PCDH15: variants seen among roughly 807,000 people sequenced by gnomAD.
The protein encoded by PCDH15 is protocadherin related 15.
Under a neutral mutation model 178.5 loss-of-function variants are expected in PCDH15, and 129 were observed. The ratio of observed to expected loss-of-function variants is 0.72; its 90% confidence interval spans 0.63 to 0.84. The LOEUF is 0.84. Among genes scored for constraint, PCDH15 ranks in the 40% least tolerant of loss-of-function variants. The pLI is 0.00. For missense variants in PCDH15, 2,230 were observed against 2,099.9 expected, an observed-to-expected ratio of 1.06 and a Z score of -1.21; for synonymous variants, 800 against 732.0, an observed-to-expected ratio of 1.09 and a Z score of -1.50.
intron 3 of PCDH15, among the ~76,000 whole-genome samples, chr10:54,833,915 T>G (rs979544975): frequency 6.6e-6 from 1 of 152,024 alleles, no homozygotes; most frequent in Non-Finnish European, 1.5e-5. Flanking sequence ...TTAGGGGGAA[T>G]TGACCAATTA....
chr10:54,864,202 A>G (rs938846442), intron 3 of PCDH15, among the ~76,000 whole-genome samples: 1 of 152,184 alleles, frequency 6.6e-6, no homozygotes, highest in African/African-American at 2.4e-5. Context: ...TCAGAAAGAA[A>G]AGCCTGATAT....
chr10:54,313,861 A>C (rs529637581), intron 8 of PCDH15, among the ~76,000 whole-genome samples: 1 of 152,202 alleles, frequency 6.6e-6, no homozygotes, highest in East Asian at 1.9e-4. Context: ...GAGGAAAGGA[A>C]GGTCAATGAT....
chr10:55,167,977 T>C lies in PCDH15; in HGVS notation c.-155-1326A>G, dbSNP rs147697031. On this transcript the variant is annotated intron_variant, in intron 1 of 5. Transcript: ENST00000458638. ...CTTTTCATAGATATATAAAGATCTC[T>C]ACATAAAATAAAAATTAAGAAATGC... 3.0e-3 allele frequency among the ~76,000 whole-genome samples: 460 copies of C among 152,238 alleles called. 5 individuals are homozygous for C. Among genetic ancestry groups the C allele is most frequent in the African/African-American group, 0.011 (437 of 41,570 alleles).
At chr10:53,910,909 G>T (rs978151864) in intron 25 of PCDH15, among the ~76,000 whole-genome samples, 1 of 152,144 alleles carries the variant, frequency 6.6e-6, no homozygotes, top group Admixed American at 6.5e-5. Flanking sequence ...AAAAAAGGGT[G>T]CCAGAGATTG....
At chr10:54,124,973 AT>A (rs1442908852) in intron 15 of PCDH15, among the ~76,000 whole-genome samples, 1 of 152,210 alleles carries the variant, frequency 6.6e-6, no homozygotes, top group Non-Finnish European at 1.5e-5. Flanking sequence ...GGCAGCAGAA[AT>A]TTTTCCTCAG....
rs770690530 is a variant in PCDH15 at position 53,831,568 on chromosome 10, C to T, written c.3984-35G>A. On this transcript the variant is annotated intron_variant, in intron 29 of 37. Coordinates refer to ENST00000644397, the MANE Select transcript of PCDH15 (RefSeq NM_001384140.1). ...TAGATAAATAGTAAAATTAATGATG[C>T]TAGCAGAGAAAGAGCATTTTAAAAA... is the stretch of plus-strand genomic sequence containing the variant. The T allele has an allele frequency of 1.6e-5, 23 of 1,422,800 alleles. No individual in the cohort carries two copies. In the Admixed American group the frequency reaches 4.0e-4, roughly 24 times the overall value. 88.1% of individuals were successfully genotyped at this position (1,422,800 alleles called of 1,614,324 possible). A position where few individuals can be genotyped will look rare whatever the true frequency, so the allele number is the denominator to read the frequency against.
intron 18 of PCDH15, among the ~76,000 whole-genome samples, chr10:54,053,198 A>G (rs1054212819): frequency 5.9e-5 from 9 of 152,152 alleles, no homozygotes; most frequent in Non-Finnish European, 1.2e-4. Flanking sequence ...TTGTCAAGAG[A>G]ACTTATTTAT....
chr10:54,595,676 A>C (rs2092193321), intron 2 of PCDH15, among the ~76,000 whole-genome samples: 1 of 152,158 alleles, frequency 6.6e-6, no homozygotes, highest in African/African-American at 2.4e-5. Flanking sequence ...GAATGTTGAA[A>C]CCACATCTAA....
At chr10:55,486,639 T>C (rs1463504111) in intron 2 of PCDH15, among the ~76,000 whole-genome samples, 1 of 151,538 alleles carries the variant, frequency 6.6e-6, no homozygotes, top group Admixed American at 6.6e-5. Context: ...TCCCTAGGCT[T>C]GTATAGGCTC....
At chr10:55,075,686 C>T (rs1387335400) in intron 2 of PCDH15, among the ~76,000 whole-genome samples, 2 of 151,520 alleles carry the variant, frequency 1.3e-5, no homozygotes, top group Non-Finnish European at 1.5e-5. Flanking sequence ...CAAGAATCAG[C>T]TTTTTGTTTT....
chr10:54,338,664 C>A (rs4592338), intron 6 of PCDH15, among the ~76,000 whole-genome samples: 10,728 of 152,124 alleles, frequency 0.071, 489 homozygotes, highest in African/African-American at 0.12. Flanking sequence ...CACTGTAATA[C>A]CTCAAAGAAA....
chr10:53,969,712 T>C (rs1423738353), intron 21 of PCDH15, among the ~76,000 whole-genome samples: 1 of 152,160 alleles, frequency 6.6e-6, no homozygotes, highest in Non-Finnish European at 1.5e-5. Context: ...TTCAACATTC[T>C]TAAAGAAAAG....
chr10:55,125,163 TTGTGTGTGTGTG>T (rs34423359), intron 2 of PCDH15, among the ~76,000 whole-genome samples: 3 of 142,980 alleles, frequency 2.1e-5, no homozygotes, highest in Non-Finnish European at 3.1e-5. Context: ...TTTTTTTTAA[TTGTGTGTGTGTG>T]TGTGTGTGTG....
At chr10:54,002,053 GTATATATATACATGTATATATA>G (rs1286664795) in intron 20 of PCDH15, among the ~76,000 whole-genome samples, 3 of 69,942 alleles carry the variant, frequency 4.3e-5, no homozygotes, top group Non-Finnish European at 9.6e-5. Flanking sequence ...ATACATATAT[GTATATATATACATGTATATATA>G]TACATATATG....
intron 8 of PCDH15, among the ~76,000 whole-genome samples, chr10:54,292,544 A>G (rs2059487565): frequency 6.6e-6 from 1 of 152,230 alleles, no homozygotes; most frequent in African/African-American, 2.4e-5. Context: ...CCCTGTTTGC[A>G]GATGACATGA....
intron 21 of PCDH15, among the ~76,000 whole-genome samples, chr10:53,968,219 C>T (rs1006380698): frequency 6.6e-5 from 10 of 152,168 alleles, no homozygotes; most frequent in Admixed American, 1.3e-4. Flanking sequence ...ACGCCTGGCT[C>T]AGAGGGTCCC....
chr10:55,002,434 C>G (rs546555643), intron 2 of PCDH15, among the ~76,000 whole-genome samples: 32 of 152,192 alleles, frequency 2.1e-4, no homozygotes, highest in Non-Finnish European at 4.0e-4. Context: ...TTTTTTAATG[C>G]TTTGCTCACA....
chr10:54,704,713 T>C (rs903654335), intron 1 of PCDH15, among the ~76,000 whole-genome samples: 1 of 152,126 alleles, frequency 6.6e-6, no homozygotes, highest in South Asian at 2.1e-4. Flanking sequence ...GGAACACTTA[T>C]ACCTTGCTGG....
At chr10:54,341,059 C>T (rs1203001499) in intron 6 of PCDH15, among the ~76,000 whole-genome samples, 2 of 152,170 alleles carry the variant, frequency 1.3e-5, no homozygotes, top group African/African-American at 2.4e-5. Flanking sequence ...TTCCCTGGCA[C>T]TGGCTGTGAT....
Sources: gnomAD v4.1 joint callset for allele counts (sites outside exome capture counted in the v4.1 genomes callset) on GRCh38, gnomAD v4.1.1 for gene constraint, MANE v1.5 for transcripts, NCBI Gene and HGNC (gene_info 2026-07-23, HGNC 2026-07-21) for gene names.